Variants in GPAT3 observed in about 807,000 individuals in gnomAD.
GPAT3 encodes the protein glycerol-3-phosphate acyltransferase 3.
In GPAT3, 53 loss-of-function variants were observed where a neutral mutation model predicts 58.8. The ratio of observed to expected loss-of-function variants is 0.90; its 90% confidence interval spans 0.72 to 1.13. The LOEUF (loss-of-function observed/expected upper bound fraction) is 1.13, where lower values mean the gene tolerates loss of function less well. GPAT3 is among the 50% of genes most tolerant of loss of function. The probability of loss-of-function intolerance (pLI) is 0.00; values close to 1 mark genes in which losing one functional copy is unlikely to be tolerated. For missense variants in GPAT3, 511 were observed against 527.6 expected (o/e 0.97, Z 0.31); for synonymous variants, 197 against 187.4 (o/e 1.05, Z -0.42).
intron 2 of GPAT3, among the ~76,000 whole-genome samples, chr4:83,566,793 C>CTT (rs566919778): frequency 1.5e-5 from 2 of 137,194 alleles, no homozygotes; most frequent in Non-Finnish European, 3.2e-5. Flanking sequence ...TTTAGCTTTT[C>CTT]TTTTTTTTTT....
At position 83,563,392 on chromosome 4, in the gene GPAT3, T is replaced by G. The variant is rs1019026215; in HGVS notation, c.209-18170T>G. On this transcript the variant is annotated intron_variant, in intron 2 of 11. Coordinates refer to ENST00000264409, the MANE Select transcript of GPAT3 (RefSeq NM_032717.5). ...ACCTCTATCCCAAGTTAGTTTCTTATGTATCTCTCCATTGTTTCTTTATGC... is the reference window on the plus strand; with the variant it reads ...ACCTCTATCCCAAGTTAGTTTCTTAGGTATCTCTCCATTGTTTCTTTATGC... Among the ~76,000 whole-genome samples, 5 of 152,176 alleles carry G rather than the reference T, an allele frequency of 3.3e-5. No homozygotes were observed. The East Asian group carries it at 9.6e-4, about 29-fold the overall frequency.
At chr4:83,597,039 G>A (rs564718388) in intron 8 of GPAT3, 126 bp downstream of exon 8, 13 of 770,446 alleles carry the variant, frequency 1.7e-5, no homozygotes, top group South Asian at 1.5e-4. Flanking sequence ...GAATGGGATG[G>A]CACTCTCTGA....
chr4:83,602,118 A>G lies in GPAT3; in HGVS notation c.1206-2550A>G, dbSNP rs115681240. The stretch of plus-strand genomic sequence containing the variant: ...CCTATAACCCATGGTCATACGTGCA[A>G]CTGGGTTCCTTTTCCTTATTTAAAA... On this transcript the variant is annotated intron_variant, in intron 11 of 11. Transcript: ENST00000264409. Among the ~76,000 whole-genome samples, 1,411 of 152,314 alleles carry G rather than the reference A, an allele frequency of 9.3e-3. 19 individuals are homozygous for G. Among genetic ancestry groups the G allele is most frequent in the African/African-American group, 0.031 (1,285 of 41,558 alleles).
rs1244085821 is a variant in GPAT3 at position 83,590,214 on chromosome 4, G to C, written c.660G>C (p.Gln220His). Residue 220 changes from glutamine to histidine, a missense_variant, in exon 6 of 12, where the codon CAG (glutamine) becomes CAC (histidine). Transcript: ENST00000264409. ...GTAATTGCAGGCAGTACAGACCCCA[G>C]AAGGGAGGCATTTGTGTTGCCAACC... Reference protein sequence around the residue: ...IHYHNKQYRPQKGGICVANHT... With the variant: ...IHYHNKQYRPHKGGICVANHT... The C allele has an allele frequency of 6.2e-7, 1 of 1,613,890 alleles. No individual in the cohort carries two copies. Among genetic ancestry groups the C allele is most frequent in the South Asian group, 1.1e-5 (1 of 91,074 alleles).
At chr4:83,548,817 C>T (rs989699108) in intron 2 of GPAT3, among the ~76,000 whole-genome samples, 1 of 152,026 alleles carries the variant, frequency 6.6e-6, no homozygotes, top group Non-Finnish European at 1.5e-5. Context: ...AAGTCTCTGC[C>T]CCTTTGCCCA....
intron 2 of GPAT3, among the ~76,000 whole-genome samples, chr4:83,578,958 T>TTCTTTC (rs1725937926): frequency 2.5e-5 from 3 of 120,390 alleles, no homozygotes; most frequent in African/African-American, 1.0e-4. Context: ...TTTTCTTTCT[T>TTCTTTC]TCTTTCTTTC....
Position 83,536,544 on chromosome 4 carries a change from G to A in GPAT3, c.-79G>A. ...TCGGCGCTCTGCTCCTGGAGCTCCC[G>A]CGGGACTGCCTGGGGACAGGGACTG... On this transcript the variant is annotated 5_prime_UTR_variant, in exon 1 of 12. Coordinates refer to ENST00000264409, the MANE Select transcript of GPAT3 (RefSeq NM_032717.5). The A allele has an allele frequency of 6.5e-7, 1 of 1,538,386 alleles. No homozygotes were observed. Among genetic ancestry groups the A allele is most frequent in the East Asian group, 2.3e-5 (1 of 43,588 alleles).
rs899865956 is a variant in GPAT3 at position 83,536,733 on chromosome 4, C to T, written c.111C>T (p.Ile37=). The T allele has an allele frequency of 1.2e-6, 2 of 1,612,980 alleles. No homozygotes were observed. The highest frequency in any genetic ancestry group is 2.7e-5 in the African/African-American group (2 of 74,890). ...VFGVSLGISE[I]YMKILVKTLE... is the part of the protein sequence containing the mutation. ...GAGTGTCTCTGGGCATCTCCGAGAT[C>T]TACATGAAGATCCTAGTGAAAACTT... The change falls in exon 1 of 12, where the codon ATC becomes ATT. Residue 37 remains isoleucine (I), a synonymous_variant. Transcript: ENST00000264409.
At chr4:83,554,712 A>G (rs1724884921) in intron 2 of GPAT3, among the ~76,000 whole-genome samples, 2 of 151,758 alleles carry the variant, frequency 1.3e-5, no homozygotes, top group South Asian at 4.2e-4. Context: ...TGCCTTCCTT[A>G]CTAGCTCCTC....
intron 4 of GPAT3, 65 bp downstream of exon 4, chr4:83,587,394 G>T (rs1168039610): frequency 1.5e-6 from 2 of 1,363,540 alleles, no homozygotes; most frequent in Non-Finnish European, 2.1e-6. Context: ...TGTCCACAAA[G>T]AGAATATTTG....
chr4:83,572,014 C>T (rs922711826), intron 2 of GPAT3, among the ~76,000 whole-genome samples: 17 of 152,068 alleles, frequency 1.1e-4, no homozygotes, highest in Middle Eastern at 3.2e-3. Context: ...CTCAGGTAAT[C>T]CACCCCCGTT....
intron 2 of GPAT3, among the ~76,000 whole-genome samples, chr4:83,564,502 C>A (rs1725309653): frequency 6.6e-6 from 1 of 152,014 alleles, no homozygotes; most frequent in Non-Finnish European, 1.5e-5. Flanking sequence ...AGTTCAAGAC[C>A]AGCCTGGACA....
At chr4:83,535,881 A>C (rs1417032573), upstream of GPAT3, 1 of 985,388 alleles carries the variant, frequency 1.0e-6, no homozygotes, top group Non-Finnish European at 1.2e-6. Context: ...TCAGCAGTTC[A>C]TTCTGCGGGT....
intron 2 of GPAT3, among the ~76,000 whole-genome samples, chr4:83,560,660 C>T (rs915164449): frequency 5.9e-5 from 9 of 152,112 alleles, no homozygotes; most frequent in African/African-American, 1.9e-4. Context: ...CTGCTCAAAT[C>T]GCATGTTGAA....
intron 2 of GPAT3, among the ~76,000 whole-genome samples, chr4:83,579,017 CCTTT>C (rs756095198): frequency 0.014 from 651 of 46,406 alleles, 27 homozygotes; most frequent in Admixed American, 0.018. Flanking sequence ...TCCTTCTTTC[CCTTT>C]CTTTCTTTCT....
Position 83,578,947 on chromosome 4 carries a change from C to CTCTTTCTTTCTTTCTTTCTTTCT in GPAT3, c.209-2614_209-2613insCTTTCTTTCTTTCTTTCTTTCTT, listed in dbSNP as rs1168809077. The stretch of plus-strand genomic sequence containing the variant: ...TTTCTTTCTTTCTTTCTTTTCTTTT[C>CTCTTTCTTTCTTTCTTTCTTTCT]TTTTCTTTCTTTCTTTCTTTCTTTC... On this transcript the variant is annotated intron_variant, in intron 2 of 11. Coordinates refer to ENST00000264409, the MANE Select transcript of GPAT3 (RefSeq NM_032717.5). Among the ~76,000 whole-genome samples, 3 of 25,738 alleles carry CTCTTTCTTTCTTTCTTTCTTTCT rather than the reference C, an allele frequency of 1.2e-4. No homozygotes were observed. The East Asian group carries it at 6.6e-3, about 57-fold the overall frequency. The allele number at this position is 25,738 out of a possible 152,430, so 16.9% of individuals were successfully genotyped here. A position where few individuals can be genotyped will look rare whatever the true frequency, so the allele number is the denominator to read the frequency against.
intron 2 of GPAT3, among the ~76,000 whole-genome samples, chr4:83,579,526 A>G (rs912976094): frequency 2.0e-5 from 3 of 151,888 alleles, no homozygotes; most frequent in African/African-American, 7.3e-5. Context: ...TCTTGGGCTC[A>G]AGTGATCCGC....
At position 83,588,201 on chromosome 4, in the gene GPAT3, T is replaced by A. The variant is rs1726458044; in HGVS notation, c.555-9T>A. On this transcript the variant is annotated splice_polypyrimidine_tract_variant and intron_variant, in intron 4 of 11. Coordinates refer to ENST00000264409, the MANE Select transcript of GPAT3 (RefSeq NM_032717.5). Reference sequence around the variant, plus strand: ...GAATGGCACAATAAAATGTTTCTATTTCCTTCAGCCTCAAAAACTGGCTGA... The same window carrying A: ...GAATGGCACAATAAAATGTTTCTATATCCTTCAGCCTCAAAAACTGGCTGA... 1 of 1,613,582 alleles carries A rather than the reference T, an allele frequency of 6.2e-7. No homozygotes were observed. Among genetic ancestry groups the A allele is most frequent in the South Asian group, 1.1e-5 (1 of 91,034 alleles).
At position 83,536,400 on chromosome 4, in the gene GPAT3, G is replaced by A. The variant is rs1724083834; in HGVS notation, c.-223G>A. On this transcript the variant is annotated 5_prime_UTR_variant, in exon 1 of 12. Transcript: ENST00000264409. Reference sequence around the variant, plus strand: ...GCTTCAGCCCAGACCTGGGCAGCCAGCGGAGAAAGAGTTAACTGGCAGGGG... The same window carrying A: ...GCTTCAGCCCAGACCTGGGCAGCCAACGGAGAAAGAGTTAACTGGCAGGGG... 1.5e-6 allele frequency: 2 copies of A among 1,338,054 alleles called. No homozygotes were observed. Among genetic ancestry groups the A allele is most frequent in the African/African-American group, 3.0e-5 (2 of 67,320 alleles). The allele number at this position is 1,338,054 out of a possible 1,614,324, so 82.9% of individuals were successfully genotyped here.
Sources: allele counts gnomAD v4.1 joint callset (sites outside exome capture counted in the v4.1 genomes callset), GRCh38; gene constraint gnomAD v4.1.1; transcripts MANE v1.5; gene names NCBI Gene and HGNC (gene_info 2026-07-23, HGNC 2026-07-21).